The following CDH12 variants were observed in gnomAD, a reference collection of about 807,000 sequenced individuals.
CDH12 encodes the protein cadherin-12.
In CDH12, 41 loss-of-function variants were observed where a neutral mutation model predicts 74.1. The observed-to-expected ratio is 0.55, with a 90% CI of 0.43 to 0.72. The LOEUF (loss-of-function observed/expected upper bound fraction) is 0.72, where lower values mean the gene tolerates loss of function less well. Ranked by LOEUF, CDH12 falls within the 30% of genes least tolerant of loss-of-function variation. The probability of loss-of-function intolerance (pLI) is 0.00; values close to 1 mark genes in which losing one functional copy is unlikely to be tolerated. For synonymous variants in CDH12, 399 were observed against 355.0 expected (o/e 1.12, Z -1.39); for missense variants, 945 against 977.2 (o/e 0.97, Z 0.44).
At chr5:21,899,737 T>G (rs913627590) in intron 6 of CDH12, among the ~76,000 whole-genome samples, 1 of 139,680 alleles carries the variant, frequency 7.2e-6, no homozygotes, top group Non-Finnish European at 1.6e-5. Context: ...AAAAAGCTCT[T>G]ATTAGTAATA....
At chr5:22,122,623 T>C (rs1019305643) in intron 4 of CDH12, among the ~76,000 whole-genome samples, 1 of 152,222 alleles carries the variant, frequency 6.6e-6, no homozygotes, top group African/African-American at 2.4e-5. Flanking sequence ...TTCAGTGGAA[T>C]GTAAGCACCA....
chr5:22,135,401 A>G (rs1324810478), intron 4 of CDH12, among the ~76,000 whole-genome samples: 1 of 152,016 alleles, frequency 6.6e-6, no homozygotes. Context: ...CAAGGTGAAT[A>G]CTGATCAAGT....
intron 4 of CDH12, among the ~76,000 whole-genome samples, chr5:22,153,025 G>A (rs1164034603): frequency 2.6e-5 from 4 of 152,076 alleles, no homozygotes; most frequent in Admixed American, 6.6e-5. Flanking sequence ...GGATGCTTCA[G>A]TTGTTTCTGT....
At chr5:22,096,276 G>T (rs371210674) in intron 4 of CDH12, among the ~76,000 whole-genome samples, 67 of 152,138 alleles carry the variant, frequency 4.4e-4, no homozygotes, top group Middle Eastern at 3.4e-3. Context: ...CGTCCTACAA[G>T]ATCTAAATAA....
chr5:22,311,563 G>A (rs1015903625), intron 3 of CDH12, among the ~76,000 whole-genome samples: 3 of 151,896 alleles, frequency 2.0e-5, no homozygotes, highest in Non-Finnish European at 2.9e-5. Context: ...TTAGCCTGAC[G>A]TGGTGGCACA....
chr5:22,842,800 A>G (rs1737136375), intron 1 of CDH12, among the ~76,000 whole-genome samples: 1 of 152,144 alleles, frequency 6.6e-6, no homozygotes, highest in Non-Finnish European at 1.5e-5. Flanking sequence ...ATTAGTCATC[A>G]AAAAACAATC....
intron 6 of CDH12, among the ~76,000 whole-genome samples, chr5:21,873,822 T>C (rs1318630995): frequency 6.6e-6 from 1 of 151,776 alleles, no homozygotes; most frequent in Admixed American, 6.6e-5. Flanking sequence ...TGAGTGTTGT[T>C]TCCCTCCCTG....
intron 5 of CDH12, among the ~76,000 whole-genome samples, chr5:21,995,332 T>C (rs1320664380): frequency 6.6e-6 from 1 of 151,726 alleles, no homozygotes; most frequent in African/African-American, 2.4e-5. Context: ...GCTTTCATCA[T>C]GTAAATTGAT....
At chr5:22,453,101 T>C (rs1745118823) in intron 2 of CDH12, among the ~76,000 whole-genome samples, 1 of 151,918 alleles carries the variant, frequency 6.6e-6, no homozygotes, top group South Asian at 2.1e-4. Context: ...CTGGCAAAGA[T>C]GTGAAAGGGG....
At chr5:22,140,308 C>T (rs1030302763) in intron 4 of CDH12, among the ~76,000 whole-genome samples, 1 of 151,822 alleles carries the variant, frequency 6.6e-6, no homozygotes, top group Non-Finnish European at 1.5e-5. Flanking sequence ...AAGCTATTGG[C>T]TAAATTTGAA....
At chr5:22,164,075 C>G (rs938070338) in intron 4 of CDH12, among the ~76,000 whole-genome samples, 1 of 152,194 alleles carries the variant, frequency 6.6e-6, no homozygotes, top group Non-Finnish European at 1.5e-5. Context: ...CTGCCCAAAA[C>G]TTTTCATAGT....
At chr5:22,214,047 G>A (rs1269253635) in intron 3 of CDH12, among the ~76,000 whole-genome samples, 4 of 151,786 alleles carry the variant, frequency 2.6e-5, no homozygotes, top group Non-Finnish European at 5.9e-5. Flanking sequence ...GTAGGCGAAT[G>A]CACTAAGTAT....
intron 12 of CDH12, among the ~76,000 whole-genome samples, chr5:21,763,347 G>A (rs566584410): frequency 3.9e-4 from 60 of 152,158 alleles, no homozygotes; most frequent in Non-Finnish European, 6.6e-4. Context: ...TTAGTTTCAC[G>A]TAATTTTAAT....
intron 3 of CDH12, among the ~76,000 whole-genome samples, chr5:22,377,266 A>G (rs895126634): frequency 1.1e-4 from 17 of 152,212 alleles, no homozygotes; most frequent in African/African-American, 4.1e-4. Flanking sequence ...AGAAAAACTT[A>G]CATATTACAG....
At chr5:22,640,732 T>C (rs191238557) in intron 1 of CDH12, among the ~76,000 whole-genome samples, 1 of 152,274 alleles carries the variant, frequency 6.6e-6, no homozygotes, top group Non-Finnish European at 1.5e-5. Flanking sequence ...ACCTACATCT[T>C]CTCAATGAGC....
rs1286118735 is a variant in CDH12, at chr5:22,083,188, T to G, written c.-186-4326A>C. Among the ~76,000 whole-genome samples the G allele has an allele frequency of 2.0e-5, 3 of 152,192 alleles. No individual in the cohort carries two copies. The East Asian group carries it at 5.8e-4, about 29-fold the overall frequency. On this transcript the variant is annotated intron_variant, in intron 4 of 14. Coordinates refer to ENST00000382254, the MANE Select transcript of CDH12 (RefSeq NM_004061.5). Reference sequence around the variant, plus strand: ...GCACTTGTAATTAAAAACATAAAACTTTCTCCTTGCACGTATTAAAATCCA... The same window carrying G: ...GCACTTGTAATTAAAAACATAAAACGTTCTCCTTGCACGTATTAAAATCCA...
intron 3 of CDH12, among the ~76,000 whole-genome samples, chr5:22,362,937 G>A: frequency 8.3e-6 from 1 of 119,876 alleles, no homozygotes; most frequent in South Asian, 3.7e-4. Context: ...GTTGTGGGGT[G>A]GGGGGAGGGG....
At chr5:21,865,871 G>T (rs903596357) in intron 6 of CDH12, among the ~76,000 whole-genome samples, 2 of 152,166 alleles carry the variant, frequency 1.3e-5, no homozygotes, top group Non-Finnish European at 2.9e-5. Flanking sequence ...ATGTGATATG[G>T]TTTTGTTGTG....
chr5:22,580,586 C>G (rs1740038567), intron 1 of CDH12: 2 of 474,406 alleles, frequency 4.2e-6, no homozygotes, highest in South Asian at 3.3e-5. Context: ...ACTCCATAAA[C>G]TTTTGGATTT....
Sources: gnomAD v4.1 joint callset for allele counts (sites outside exome capture counted in the v4.1 genomes callset) on GRCh38, gnomAD v4.1.1 for gene constraint, MANE v1.5 for transcripts, NCBI Gene and HGNC (gene_info 2026-07-23, HGNC 2026-07-21) for gene names.